MTUS2: variants seen among roughly 807,000 people sequenced by gnomAD.
The protein encoded by MTUS2 is microtubule associated scaffold protein 2.
Under a neutral mutation model 114.1 loss-of-function variants are expected in MTUS2, and 40 were observed. The observed-to-expected ratio is 0.35, with a 90% CI of 0.27 to 0.46. The LOEUF (loss-of-function observed/expected upper bound fraction) is 0.46, where lower values mean the gene tolerates loss of function less well. Ranked by LOEUF, MTUS2 falls within the 20% of genes least tolerant of loss-of-function variation. The pLI is 1.00. For missense variants in MTUS2, 1,679 were observed against 1,705.4 expected, an observed-to-expected ratio of 0.98 and a Z score of 0.27; for synonymous variants, 688 against 672.0, an observed-to-expected ratio of 1.02 and a Z score of -0.37.
At chr13:29,134,477 A>T (rs9578074) in intron 5 of MTUS2, among the ~76,000 whole-genome samples, 23,486 of 152,168 alleles carry the variant, frequency 0.15, 1,949 homozygotes, top group Middle Eastern at 0.21. Flanking sequence ...AAAGTCTCCA[A>T]CTATTACTAT....
intron 9 of MTUS2, among the ~76,000 whole-genome samples, chr13:29,478,939 A>G (rs1464103664): frequency 6.6e-6 from 1 of 152,226 alleles, no homozygotes; most frequent in African/African-American, 2.4e-5. Context: ...TTTCACCAGA[A>G]GAAGAAAACG....
chr13:28,937,094 A>G (rs568286857), intron 2 of MTUS2, among the ~76,000 whole-genome samples: 2 of 152,144 alleles, frequency 1.3e-5, no homozygotes, highest in African/African-American at 4.8e-5. Flanking sequence ...CAGAAGGAGG[A>G]GGGTGATTTT....
chr13:29,460,948 T>C (rs1263603375), intron 9 of MTUS2, among the ~76,000 whole-genome samples: 2 of 152,220 alleles, frequency 1.3e-5, no homozygotes, highest in African/African-American at 4.8e-5. Context: ...GTGGGATTTT[T>C]CTCTTTTCTT....
intron 4 of MTUS2, among the ~76,000 whole-genome samples, chr13:29,050,576 A>G (rs534000066): frequency 2.6e-5 from 4 of 152,108 alleles, no homozygotes; most frequent in Admixed American, 1.3e-4. Flanking sequence ...CTCGGTCACA[A>G]CCATCAGCGT....
At chr13:29,442,227 A>T (rs981094866) in intron 9 of MTUS2, among the ~76,000 whole-genome samples, 1 of 152,166 alleles carries the variant, frequency 6.6e-6, no homozygotes, top group African/African-American at 2.4e-5. Flanking sequence ...ATTCACAGCG[A>T]CCACAGTGTC....
chr13:29,332,511 CTGG>C (rs1900830488), intron 7 of MTUS2, among the ~76,000 whole-genome samples: 1 of 144,314 alleles, frequency 6.9e-6, no homozygotes, highest in African/African-American at 2.7e-5. Flanking sequence ...AAACAAGCTC[CTGG>C]ATTCATTGAT....
At position 29,389,355 on chromosome 13, in the gene MTUS2, A is replaced by C. The variant is rs552430008; in HGVS notation, c.3117+29882A>C. Reference sequence around the variant, plus strand: ...TATATATGTATGCACGTGTGTGTATATATGTATGCACGTGTGTGTATATAT... The same window carrying C: ...TATATATGTATGCACGTGTGTGTATCTATGTATGCACGTGTGTGTATATAT... On this transcript the variant is annotated intron_variant, in intron 8 of 15. Transcript: ENST00000612955. Among the ~76,000 whole-genome samples the C allele has an allele frequency of 2.4e-5, 2 of 82,662 alleles. 1 individual carries two copies. Among genetic ancestry groups the C allele is most frequent in the Non-Finnish European group, 4.6e-5 (2 of 43,702 alleles). The allele number at this position is 82,662 out of a possible 152,430, so 54.2% of individuals were successfully genotyped here. A position where few individuals can be genotyped will look rare whatever the true frequency, so the allele number is the denominator to read the frequency against.
chr13:28,914,298 T>C (rs1034880742), intron 2 of MTUS2, among the ~76,000 whole-genome samples: 1 of 152,172 alleles, frequency 6.6e-6, no homozygotes, highest in African/African-American at 2.4e-5. Context: ...TGTTGTCTGT[T>C]TGTTCTCATT....
intron 7 of MTUS2, among the ~76,000 whole-genome samples, chr13:29,343,180 A>G (rs1042015270): frequency 8.6e-6 from 1 of 116,918 alleles, no homozygotes; most frequent in Non-Finnish European, 2.0e-5. Context: ...TCATAGAATG[A>G]TTTAGGGAGG....
At chr13:29,117,122 AC>A (rs923062667) in intron 5 of MTUS2, among the ~76,000 whole-genome samples, 2 of 152,154 alleles carry the variant, frequency 1.3e-5, no homozygotes, top group African/African-American at 4.8e-5. Flanking sequence ...TAGTTTGAGT[AC>A]TTGGTTCTCT....
intron 8 of MTUS2, among the ~76,000 whole-genome samples, chr13:29,388,105 A>G (rs1157313969): frequency 6.6e-6 from 1 of 151,856 alleles, no homozygotes; most frequent in Non-Finnish European, 1.5e-5. Context: ...CTGTCCCCCA[A>G]CTCCAGTCTC....
intron 10 of MTUS2, among the ~76,000 whole-genome samples, chr13:29,484,715 A>C (rs1333070232): frequency 6.6e-6 from 1 of 152,218 alleles, no homozygotes; most frequent in African/African-American, 2.4e-5. Context: ...ATGGGAGTTT[A>C]ATCTGGTTTG....
At chr13:29,157,589 G>A (rs1892915077) in intron 5 of MTUS2, among the ~76,000 whole-genome samples, 1 of 152,080 alleles carries the variant, frequency 6.6e-6, no homozygotes, top group Non-Finnish European at 1.5e-5. Flanking sequence ...CCCCAGCACT[G>A]CCTTTCCTAG....
chr13:28,971,602 T>C (rs1343260568), intron 2 of MTUS2, among the ~76,000 whole-genome samples: 13 of 152,160 alleles, frequency 8.5e-5, no homozygotes, highest in Non-Finnish European at 1.8e-4. Context: ...ATTTATGGAT[T>C]TTATTTGCAT....
chr13:28,910,855 CTTTTTTTTTTTTTTTTTT>C (rs555935861), intron 2 of MTUS2, among the ~76,000 whole-genome samples: 89 of 58,024 alleles, frequency 1.5e-3, no homozygotes, highest in Admixed American at 2.9e-3. Flanking sequence ...ATATACATGG[CTTTTTTTTTTTTTTTTTT>C]TTTTTTTTTT....
intron 8 of MTUS2, among the ~76,000 whole-genome samples, chr13:29,390,756 G>GCGA (rs1555272992): frequency 6.8e-6 from 1 of 146,588 alleles, no homozygotes; most frequent in Non-Finnish European, 1.5e-5. Context: ...CCACCAAATG[G>GCGA]TGATGATGAT....
intron 8 of MTUS2, among the ~76,000 whole-genome samples, chr13:29,363,116 T>G (rs1268569322): frequency 6.6e-6 from 1 of 152,128 alleles, no homozygotes; most frequent in Non-Finnish European, 1.5e-5. Flanking sequence ...GGACTCGCGC[T>G]CCTTAGGGTC....
intron 5 of MTUS2, among the ~76,000 whole-genome samples, chr13:29,211,784 A>C (rs375424310): frequency 8.6e-5 from 13 of 151,760 alleles, no homozygotes; most frequent in East Asian, 5.8e-4. Context: ...TTAGACACTC[A>C]TAGTTTGTCA....
In MTUS2 at chr13:29,390,001, G is replaced by C. The variant is rs201824454; in HGVS notation, c.3117+30528G>C. Among the ~76,000 whole-genome samples the C allele has an allele frequency of 4.3e-3, 42 of 9,676 alleles. 4 individuals are homozygous for C. Among genetic ancestry groups the C allele is most frequent in the African/African-American group, 8.9e-3 (32 of 3,586 alleles). The allele number at this position is 9,676 out of a possible 152,430, so 6.3% of individuals were successfully genotyped here. ...CATACATGTATGTGTATGTATGTAT[G>C]TGTATATATACACATACATGTATGT... is the stretch of plus-strand genomic sequence containing the variant. On this transcript the variant is annotated intron_variant, in intron 8 of 15. Transcript: ENST00000612955.
Sources: gnomAD v4.1 joint callset for allele counts (sites outside exome capture counted in the v4.1 genomes callset) on GRCh38, gnomAD v4.1.1 for gene constraint, MANE v1.5 for transcripts, NCBI Gene and HGNC (gene_info 2026-07-23, HGNC 2026-07-21) for gene names.